Variants in CACNA2D2 observed in about 807,000 individuals in gnomAD.
CACNA2D2 encodes voltage-dependent calcium channel subunit alpha-2/delta-2.
Under a neutral mutation model 166.4 loss-of-function variants are expected in CACNA2D2, and 48 were observed. That is an observed-to-expected ratio of 0.29 (90% confidence interval 0.23 to 0.37). CACNA2D2 has a LOEUF of 0.37. CACNA2D2 is among the 10% of genes least tolerant of loss of function. The probability of loss-of-function intolerance (pLI) is 1.00; values close to 1 mark genes in which losing one functional copy is unlikely to be tolerated. For missense variants in CACNA2D2, 1,122 were observed against 1,433.0 expected, an observed-to-expected ratio of 0.78 and a Z score of 3.50; for synonymous variants, 561 against 573.7, an observed-to-expected ratio of 0.98 and a Z score of 0.32.
At chr3:50,449,808 G>C (rs1709018298) in intron 2 of CACNA2D2, among the ~76,000 whole-genome samples, 1 of 152,198 alleles carries the variant, frequency 6.6e-6, no homozygotes, top group South Asian at 2.1e-4. Context: ...CTCCCCATCA[G>C]AGACACAGGC....
intron 2 of CACNA2D2, among the ~76,000 whole-genome samples, chr3:50,451,780 G>A (rs1235562074): frequency 6.6e-6 from 1 of 152,100 alleles, no homozygotes; most frequent in East Asian, 1.9e-4. Context: ...TCCCACAGGT[G>A]CACCCTTCAA....
At chr3:50,407,661 C>T (rs764289311) in intron 3 of CACNA2D2, among the ~76,000 whole-genome samples, 2 of 152,210 alleles carry the variant, frequency 1.3e-5, no homozygotes, top group East Asian at 1.9e-4. Flanking sequence ...CTCCCTAACA[C>T]GGGGCTTCTA....
chr3:50,378,849 G>T, intron 13 of CACNA2D2, 66 bp downstream of exon 13: 1 of 1,584,334 alleles, frequency 6.3e-7, no homozygotes, highest in South Asian at 1.1e-5. Context: ...ATGGCCAGTT[G>T]AACATACGCA....
chr3:50,490,651 C>G (rs947696490), intron 1 of CACNA2D2, among the ~76,000 whole-genome samples: 1 of 152,256 alleles, frequency 6.6e-6, no homozygotes, highest in Admixed American at 6.5e-5. Flanking sequence ...CCATTTTCCA[C>G]AGTCATGACG....
Position 50,362,723 on chromosome 3 carries a change from G to T in CACNA2D2, c.*1943C>A, listed in dbSNP as rs1197323901. ...TCACCCCCTGCAGAGCACTAAGTGG[G>T]ACTCTGAGGTCTTGGCCAACTGTCT... On this transcript the variant is annotated 3_prime_UTR_variant, in exon 38 of 38. Coordinates refer to ENST00000424201, the MANE Select transcript of CACNA2D2 (RefSeq NM_006030.4). 6.3e-6 allele frequency: 1 copy of T among 158,278 alleles called. No individual in the cohort carries two copies. The highest frequency in any genetic ancestry group is 1.4e-5 in the Non-Finnish European group (1 of 72,296). The allele number at this position is 158,278 out of a possible 1,614,324, so 9.8% of individuals were successfully genotyped here.
chr3:50,404,784 C>T (rs1430371311), intron 3 of CACNA2D2, among the ~76,000 whole-genome samples: 1 of 152,218 alleles, frequency 6.6e-6, no homozygotes, highest in Non-Finnish European at 1.5e-5. Context: ...GTAAGTTCTT[C>T]TTTATAGTCC....
At position 50,364,630 on chromosome 3, in the gene CACNA2D2, G is replaced by C; in HGVS notation, c.*36C>G. Reference sequence around the variant, plus strand: ...AGGGTGGGAAAGGCGAAGAGGCCGGGTGAGGTGGGAGTGGAGGTGGGGTGG... The same window carrying C: ...AGGGTGGGAAAGGCGAAGAGGCCGGCTGAGGTGGGAGTGGAGGTGGGGTGG... On this transcript the variant is annotated 3_prime_UTR_variant, in exon 38 of 38. Coordinates refer to ENST00000424201, the MANE Select transcript of CACNA2D2 (RefSeq NM_006030.4). 1.4e-6 allele frequency: 2 copies of C among 1,479,886 alleles called. No individual in the cohort carries two copies. The highest frequency in any genetic ancestry group is 1.8e-6 in the Non-Finnish European group (2 of 1,115,322). 91.7% of individuals were successfully genotyped at this position (1,479,886 alleles called of 1,614,324 possible).
At chr3:50,406,859 C>T (rs1342881249) in intron 3 of CACNA2D2, among the ~76,000 whole-genome samples, 1 of 151,848 alleles carries the variant, frequency 6.6e-6, no homozygotes, top group Non-Finnish European at 1.5e-5. Flanking sequence ...CTGCTACCTG[C>T]ACCATCACCT....
chr3:50,443,232 G>A (rs1489352073), intron 2 of CACNA2D2, among the ~76,000 whole-genome samples: 2 of 152,346 alleles, frequency 1.3e-5, no homozygotes, highest in East Asian at 3.9e-4. Flanking sequence ...GAAGCAGATT[G>A]TTTGTGTCGG....
At chr3:50,495,135 C>T (rs1698671401) in intron 1 of CACNA2D2, among the ~76,000 whole-genome samples, 2 of 152,192 alleles carry the variant, frequency 1.3e-5, no homozygotes, top group Non-Finnish European at 2.9e-5. Context: ...AGGTTCCCTT[C>T]CCCCATCTTG....
At chr3:50,453,940 G>A (rs1009304269) in intron 2 of CACNA2D2, among the ~76,000 whole-genome samples, 1 of 150,982 alleles carries the variant, frequency 6.6e-6, no homozygotes, top group Non-Finnish European at 1.5e-5. Flanking sequence ...ACACGACCAG[G>A]CCCGGGTCCT....
intron 4 of CACNA2D2, among the ~76,000 whole-genome samples, chr3:50,388,758 C>T (rs1010515142): frequency 6.6e-6 from 1 of 152,230 alleles, no homozygotes; most frequent in African/African-American, 2.4e-5. Flanking sequence ...GTGGTGACTG[C>T]CCACGGGCTC....
Position 50,466,743 on chromosome 3 carries a change from C to T in CACNA2D2, c.288+9375G>A, listed in dbSNP as rs138253392. Among the ~76,000 whole-genome samples, 11 of 152,340 alleles carry T rather than the reference C, an allele frequency of 7.2e-5. 1 individual carries two copies. In the East Asian group the frequency reaches 1.5e-3, roughly 21 times the overall value. ...GGGCTAGCTGCCTTCCCAGTCTGAC[C>T]GCCTGCACTCAGGTGGACTCCTGGA... On this transcript the variant is annotated intron_variant, in intron 2 of 37. Transcript: ENST00000424201.
rs1042710487 is a variant in CACNA2D2, at chr3:50,375,542, C to T, written c.1907+102G>A. The T allele has an allele frequency of 1.4e-5, 18 of 1,246,938 alleles. No homozygotes were observed. Among genetic ancestry groups the T allele is most frequent in the East Asian group, 2.3e-5 (1 of 42,974 alleles). 77.2% of individuals were successfully genotyped at this position (1,246,938 alleles called of 1,614,324 possible). A position where few individuals can be genotyped will look rare whatever the true frequency, so the allele number is the denominator to read the frequency against. On this transcript the variant is annotated intron_variant, in intron 21 of 37. Transcript: ENST00000424201. The surrounding 1 kb of genome is among the most constrained non-coding windows in gnomAD (Gnocchi z 4.0). ...AGTGAGCAGCCCTGGCCACTGGTGC[C>T]CCACTGGGATGGTGGTCACAGTGGG...
chr3:50,481,591 T>C (rs1698059312), intron 1 of CACNA2D2, among the ~76,000 whole-genome samples: 1 of 152,204 alleles, frequency 6.6e-6, no homozygotes, highest in African/African-American at 2.4e-5. Context: ...AGGCCACTGC[T>C]GCCAAGTGCA....
intron 2 of CACNA2D2, among the ~76,000 whole-genome samples, chr3:50,450,829 C>T (rs1008568825): frequency 2.6e-5 from 4 of 152,304 alleles, no homozygotes; most frequent in Admixed American, 1.3e-4. Flanking sequence ...CACACCCCAC[C>T]GCACCAGCCA....
chr3:50,482,830 C>T (rs1056424049), intron 1 of CACNA2D2, among the ~76,000 whole-genome samples: 1 of 152,216 alleles, frequency 6.6e-6, no homozygotes, highest in South Asian at 2.1e-4. Context: ...TTCCTTCTTG[C>T]TTGTCCATGC....
chr3:50,429,592 C>CAAAAAAA (rs1160685582), intron 3 of CACNA2D2, among the ~76,000 whole-genome samples: 1 of 52,646 alleles, frequency 1.9e-5, no homozygotes, highest in Non-Finnish European at 3.8e-5. Flanking sequence ...ACTAAAAATA[C>CAAAAAAA]AAAAAAAAAA....
chr3:50,431,805 T>C (rs1460269352), intron 3 of CACNA2D2, among the ~76,000 whole-genome samples: 1 of 151,622 alleles, frequency 6.6e-6, no homozygotes, highest in Non-Finnish European at 1.5e-5. Context: ...GCCAACATAG[T>C]GAAATGCTGT....
Sources: allele counts gnomAD v4.1 joint callset (sites outside exome capture counted in the v4.1 genomes callset), GRCh38; gene constraint gnomAD v4.1.1; non-coding constraint Gnocchi (gnomAD v3.1); transcripts MANE v1.5; gene names NCBI Gene and HGNC (gene_info 2026-07-23, HGNC 2026-07-21).